The following NCAM2 variants were observed in gnomAD, a reference collection of about 807,000 sequenced individuals.
NCAM2 encodes the protein neural cell adhesion molecule 2.
A neutral mutation model predicts 98.1 loss-of-function variants in NCAM2; 30 were observed. That is an observed-to-expected ratio of 0.31 (90% CI 0.23 to 0.41). NCAM2 has a LOEUF of 0.41. NCAM2 is among the 10% of genes least tolerant of loss of function. The probability of loss-of-function intolerance (pLI) is 1.00; values close to 1 mark genes in which losing one functional copy is unlikely to be tolerated. For missense variants in NCAM2, 867 were observed against 1,005.8 expected (o/e 0.86, Z 1.87); for synonymous variants, 368 against 342.4 (o/e 1.07, Z -0.83).
chr21:21,244,778 C>T (rs573864904), intron 1 of NCAM2, among the ~76,000 whole-genome samples: 3 of 129,240 alleles, frequency 2.3e-5, no homozygotes, highest in Non-Finnish European at 4.7e-5. Context: ...ACCTGGGAGG[C>T]GGAGGTTGCA....
chr21:21,009,054 G>A (rs2064159818), intron 1 of NCAM2, among the ~76,000 whole-genome samples: 1 of 152,092 alleles, frequency 6.6e-6, no homozygotes, highest in South Asian at 2.1e-4. Context: ...CCCTGCTAGT[G>A]TCCCATTAAA....
chr21:21,249,841 A>G (rs558046578), intron 1 of NCAM2, among the ~76,000 whole-genome samples: 63 of 152,336 alleles, frequency 4.1e-4, no homozygotes, highest in African/African-American at 1.4e-3. Context: ...ATTTGAATCT[A>G]TGAATTTTTC....
chr21:21,305,253 G>A (rs1260677616), intron 5 of NCAM2, among the ~76,000 whole-genome samples: 1 of 152,154 alleles, frequency 6.6e-6, no homozygotes, highest in African/African-American at 2.4e-5. Flanking sequence ...GGGAGGTGGA[G>A]GTTGCGGTGA....
intron 16 of NCAM2, among the ~76,000 whole-genome samples, chr21:21,515,316 G>A (rs752501567): frequency 1.3e-5 from 2 of 152,130 alleles, no homozygotes; most frequent in African/African-American, 2.4e-5. Context: ...CACTTGACTT[G>A]TGAGAAAATG....
intron 12 of NCAM2, among the ~76,000 whole-genome samples, chr21:21,459,349 C>T (rs951440416): frequency 6.6e-6 from 1 of 151,330 alleles, no homozygotes; most frequent in African/African-American, 2.4e-5. Context: ...GCATTATTCA[C>T]AAGAGCCAAG....
At chr21:21,366,844 T>C (rs1482182683) in intron 8 of NCAM2, among the ~76,000 whole-genome samples, 1 of 152,072 alleles carries the variant, frequency 6.6e-6, no homozygotes, top group Admixed American at 6.6e-5. Flanking sequence ...ACTTTATCTG[T>C]TTTCCAGTAG....
rs575812153 is a variant in NCAM2, at chr21:21,463,038, A to C, written c.1655-3568A>C. On this transcript the variant is annotated intron_variant, in intron 12 of 17. Coordinates refer to ENST00000400546, the MANE Select transcript of NCAM2 (RefSeq NM_004540.5). ...TAAGGTTCTGTTGTTCTGTTTGTAT[A>C]TGCAGATTTAGGGAAAGAAAGTCTC... Among the ~76,000 whole-genome samples, 11 of 152,202 alleles carry C rather than the reference A, an allele frequency of 7.2e-5. No homozygotes were observed. The South Asian group carries it at 1.9e-3, about 26-fold the overall frequency.
At chr21:21,191,996 C>A (rs1396018273) in intron 1 of NCAM2, among the ~76,000 whole-genome samples, 1 of 151,960 alleles carries the variant, frequency 6.6e-6, no homozygotes, top group African/African-American at 2.4e-5. Flanking sequence ...CCGAGGCAGG[C>A]GGATCACCTG....
At chr21:21,035,216 A>G (rs764027323) in intron 1 of NCAM2, among the ~76,000 whole-genome samples, 2 of 152,202 alleles carry the variant, frequency 1.3e-5, no homozygotes, top group Non-Finnish European at 2.9e-5. Context: ...CAATCTGGAT[A>G]TATCTGAAAA....
chr21:21,204,769 C>T (rs2069371474), intron 1 of NCAM2, among the ~76,000 whole-genome samples: 1 of 152,200 alleles, frequency 6.6e-6, no homozygotes, highest in African/African-American at 2.4e-5. Flanking sequence ...CCAATTTATT[C>T]ATATCATTGC....
intron 4 of NCAM2, chr21:21,290,300 TTCA>T (rs1364210020): frequency 5.9e-5 from 9 of 151,980 alleles, no homozygotes; most frequent in African/African-American, 2.2e-4. Context: ...AGTGTTCCTC[TTCA>T]TTTTAAATTT....
intron 8 of NCAM2, among the ~76,000 whole-genome samples, chr21:21,370,042 A>G (rs1225493412): frequency 1.3e-5 from 2 of 151,806 alleles, no homozygotes; most frequent in East Asian, 1.9e-4. Context: ...GCATTTTAAT[A>G]GTTTTTAAAT....
intron 1 of NCAM2, among the ~76,000 whole-genome samples, chr21:21,087,031 G>T (rs1389103779): frequency 6.6e-6 from 1 of 150,528 alleles, no homozygotes; most frequent in African/African-American, 2.4e-5. Flanking sequence ...TCCCAGAAAG[G>T]TGACAAGAAT....
At chr21:21,132,974 TAAAC>T (rs1203239016) in intron 1 of NCAM2, among the ~76,000 whole-genome samples, 2 of 152,176 alleles carry the variant, frequency 1.3e-5, no homozygotes, top group African/African-American at 4.8e-5. Context: ...CATAGATCCT[TAAAC>T]AATATAATCA....
chr21:21,366,645 A>G (rs533105810), intron 8 of NCAM2, among the ~76,000 whole-genome samples: 2 of 152,176 alleles, frequency 1.3e-5, no homozygotes, highest in Non-Finnish European at 2.9e-5. Flanking sequence ...CTCTTAATTC[A>G]GGAAACAGCC....
chr21:21,232,574 A>G (rs1205659223), intron 1 of NCAM2, among the ~76,000 whole-genome samples: 1 of 151,656 alleles, frequency 6.6e-6, no homozygotes, highest in African/African-American at 2.4e-5. Context: ...ATTTAAAAAT[A>G]CAGCCAATGA....
chr21:21,076,037 C>T (rs1055413843), intron 1 of NCAM2, among the ~76,000 whole-genome samples: 1 of 151,398 alleles, frequency 6.6e-6, no homozygotes, highest in African/African-American at 2.4e-5. Flanking sequence ...GAATTGCTTG[C>T]ACCCAAGAGG....
intron 1 of NCAM2, among the ~76,000 whole-genome samples, chr21:21,241,569 A>T (rs952711483): frequency 6.6e-6 from 1 of 152,124 alleles, no homozygotes. Flanking sequence ...GCTTTACCCC[A>T]CTGCAGTAGG....
intron 15 of NCAM2, among the ~76,000 whole-genome samples, chr21:21,497,889 A>G (rs971717375): frequency 6.6e-6 from 1 of 152,060 alleles, no homozygotes; most frequent in African/African-American, 2.4e-5. Flanking sequence ...GCCTTTTTTT[A>G]TTTATTTAAG....
Sources: gnomAD v4.1 joint callset for allele counts (sites outside exome capture counted in the v4.1 genomes callset) on GRCh38, gnomAD v4.1.1 for gene constraint, MANE v1.5 for transcripts, NCBI Gene and HGNC (gene_info 2026-07-23, HGNC 2026-07-21) for gene names.